The following EP400 variants were observed in gnomAD, a reference collection of about 807,000 sequenced individuals.
The protein encoded by EP400 is E1A-binding protein p400.
Under a neutral mutation model 354.1 loss-of-function variants are expected in EP400, and 105 were observed. That is an observed-to-expected ratio of 0.30 (90% CI 0.25 to 0.35). The LOEUF (loss-of-function observed/expected upper bound fraction) is 0.35. Ranked by LOEUF, EP400 falls within the 10% of genes least tolerant of loss-of-function variation. EP400 has a pLI of 1.00. For missense variants in EP400, 3,280 were observed against 4,121.0 expected (o/e 0.80, Z 5.59); for synonymous variants, 1,646 against 1,716.9 (o/e 0.96, Z 1.02).
At chr12:132,063,374 G>A (rs532483104) in intron 47 of EP400, among the ~76,000 whole-genome samples, 4 of 152,272 alleles carry the variant, frequency 2.6e-5, no homozygotes, top group African/African-American at 7.2e-5. Context: ...TTAGCCGGAC[G>A]TGGTGGCGGG....
chr12:132,067,543 T>C lies in EP400; in HGVS notation c.8874+57T>C. ...TCTATGCCAAGCCAAAGCTGGCTGC[T>C]GGAGGAGAGGGTCCTAAGCAGACAA... On this transcript the variant is annotated intron_variant, in intron 50 of 52. Transcript: ENST00000389561. This position sits in a 1 kb window ranked among gnomAD's most constrained non-coding sequence, Gnocchi z 5.3. 6.3e-7 allele frequency: 1 copy of C among 1,580,216 alleles called. No individual in the cohort carries two copies. The highest frequency in any genetic ancestry group is 2.2e-5 in the East Asian group (1 of 44,506).
At chr12:131,978,024 G>A (rs1031911196) in intron 2 of EP400, among the ~76,000 whole-genome samples, 25 of 152,208 alleles carry the variant, frequency 1.6e-4, no homozygotes, top group African/African-American at 6.0e-4. Context: ...TAGTAATTAA[G>A]TCCTTAGCAT....
At position 131,984,437 on chromosome 12, in the gene EP400, G is replaced by A. The variant is rs75493438; in HGVS notation, c.1929+1959G>A. Among the ~76,000 whole-genome samples, 729 of 152,240 alleles carry A rather than the reference G, an allele frequency of 4.8e-3. 45 individuals are homozygous for A. In the East Asian group the frequency reaches 0.13, roughly 26 times the overall value. On this transcript the variant is annotated intron_variant, in intron 5 of 52. Transcript: ENST00000389561. ...GGCCAGAAAAGCCAGCAACTGGGGG[G>A]GCTGTAGTTGGGAGCCTTTTGTGCA...
At chr12:132,043,525 T>C in intron 33 of EP400, 63 bp downstream of exon 33, 1 of 1,589,400 alleles carries the variant, frequency 6.3e-7, no homozygotes, top group Non-Finnish European at 8.5e-7. Flanking sequence ...ATAAAATATT[T>C]ATTGTTTACT....
Position 131,997,746 on chromosome 12 carries a change from G to A in EP400, c.2827+2790G>A, listed in dbSNP as rs117250884. Among the ~76,000 whole-genome samples the A allele has an allele frequency of 7.1e-3, 1,080 of 152,054 alleles. 35 individuals are homozygous for A. In the South Asian group the frequency reaches 0.093, roughly 13 times the overall value. ...TGAGTAGGATGAGGAGGGAGTGGGG[G>A]AGGGGGAGGGGAAGGGGTTGGTCCT... On this transcript the variant is annotated intron_variant, in intron 12 of 52. Transcript: ENST00000389561.
rs747627892 is a variant in EP400 at position 132,045,713 on chromosome 12, A to G, written c.7027-14A>G. On this transcript the variant is annotated splice_polypyrimidine_tract_variant and intron_variant, in intron 38 of 52. Coordinates refer to ENST00000389561, the MANE Select transcript of EP400 (RefSeq NM_015409.5). The stretch of plus-strand genomic sequence containing the variant: ...AGTGTATTCACCTGTTTTACCTGAA[A>G]TCTCCTTCTCTAGGCTGTAAAGCAG... 6.8e-6 allele frequency: 11 copies of G among 1,613,812 alleles called. No homozygotes were observed. The South Asian group carries it at 9.9e-5, about 15-fold the overall frequency.
At chr12:132,065,061 A>G (rs942461422) in intron 48 of EP400, 175 bp downstream of exon 48, 2 of 1,196,520 alleles carry the variant, frequency 1.7e-6, no homozygotes, top group South Asian at 1.6e-5. Context: ...CTCGTGGAAC[A>G]TTAACACAGC....
intron 51 of EP400, among the ~76,000 whole-genome samples, chr12:132,073,468 T>C (rs1296233917): frequency 2.0e-5 from 3 of 147,452 alleles, no homozygotes; most frequent in Admixed American, 2.0e-4. Context: ...CCTTTTTTTT[T>C]TTTTTGACAC....
chr12:131,989,316 G>A (rs369672554), intron 7 of EP400, among the ~76,000 whole-genome samples: 4 of 152,238 alleles, frequency 2.6e-5, no homozygotes, highest in African/African-American at 7.2e-5. Flanking sequence ...AGCCCACCCC[G>A]ATCAGGGCCT....
rs191593138 is a variant in EP400, at chr12:132,077,846, A to G, written c.*173A>G. The G allele has an allele frequency of 4.2e-5, 36 of 861,382 alleles. No homozygotes were observed. In the African/African-American group the frequency reaches 4.9e-4, roughly 12 times the overall value. The allele number at this position is 861,382 out of a possible 1,614,324, so 53.4% of individuals were successfully genotyped here. A position where few individuals can be genotyped will look rare whatever the true frequency, so the allele number is the denominator to read the frequency against. On this transcript the variant is annotated 3_prime_UTR_variant, in exon 53 of 53. Coordinates refer to ENST00000389561, the MANE Select transcript of EP400 (RefSeq NM_015409.5). The stretch of plus-strand genomic sequence containing the variant: ...AAATGCATCCCACACTGCAGGACAA[A>G]TGGTCCTTATGGAGTGCCGCGTTCT...
At chr12:132,043,276 A>G (rs767331193) in intron 32 of EP400, 28 bp from the exon 33 acceptor site, 369 of 1,592,500 alleles carry the variant, frequency 2.3e-4, no homozygotes, top group Non-Finnish European at 3.0e-4. Context: ...AAGTCTATCA[A>G]GGCAATCTAA....
chr12:132,052,698 A>G lies in EP400; in HGVS notation c.7395-448A>G, dbSNP rs1352266911. Among the ~76,000 whole-genome samples the G allele has an allele frequency of 1.3e-5, 2 of 151,388 alleles. No homozygotes were observed. Among genetic ancestry groups the G allele is most frequent in the Admixed American group, 1.3e-4 (2 of 15,186 alleles). Reference sequence around the variant, plus strand: ...GAGTTAATTCACCCTACTAATATTTATGGACCGCGGGCCTGCGCGGCGTGG... The same window carrying G: ...GAGTTAATTCACCCTACTAATATTTGTGGACCGCGGGCCTGCGCGGCGTGG... On this transcript the variant is annotated intron_variant, in intron 41 of 52. Transcript: ENST00000389561. This position sits in a 1 kb window ranked among gnomAD's most constrained non-coding sequence, Gnocchi z 4.4.
rs145047910 is a variant in EP400 at position 132,064,670 on chromosome 12, A to G, written c.8337A>G (p.Glu2779=). The change falls in exon 48 of 53, where the codon GAA becomes GAG. Residue 2779 remains glutamate (E), a splice_region_variant and synonymous_variant. Coordinates refer to ENST00000389561, the MANE Select transcript of EP400 (RefSeq NM_015409.5). ...QIKAVGKLTP[E]HLIKMQKQKL... The stretch of plus-strand genomic sequence containing the variant: ...AAGATACTTTGCTTGTATTTTAGGA[A>G]CACCTCATCAAAATGCAGAAGCAGA... 6.6e-5 allele frequency: 107 copies of G among 1,610,704 alleles called. No individual in the cohort carries two copies. In the African/African-American group the frequency reaches 1.1e-3, roughly 16 times the overall value.
intron 7 of EP400, 84 bp downstream of exon 7, chr12:131,987,974 C>G (rs1335302172): frequency 1.0e-6 from 1 of 975,306 alleles, no homozygotes; most frequent in South Asian, 3.3e-5. Context: ...GGGGAGGTCT[C>G]CAGACCCACT....
At position 131,996,126 on chromosome 12, in the gene EP400, G is replaced by A. The variant is rs565520855; in HGVS notation, c.2827+1170G>A. On this transcript the variant is annotated intron_variant, in intron 12 of 52. Transcript: ENST00000389561. ...GTATTCTTTTTGTAAATATGTGACC[G>A]ACTCTTTTTTGTGCTGTTGGTGGCC... is the stretch of plus-strand genomic sequence containing the variant. 3.1e-4 allele frequency among the ~76,000 whole-genome samples: 47 copies of A among 152,164 alleles called. 1 individual carries two copies. Among genetic ancestry groups the A allele is most frequent in the Admixed American group, 7.2e-4 (11 of 15,278 alleles).
intron 15 of EP400, among the ~76,000 whole-genome samples, chr12:132,008,034 C>T (rs1424441340): frequency 2.0e-5 from 3 of 152,070 alleles, no homozygotes; most frequent in South Asian, 2.1e-4. Context: ...CTGCAACCTC[C>T]GCCTCCTGGG....
At chr12:132,031,376 C>G in intron 29 of EP400, 1 of 519,114 alleles carries the variant, frequency 1.9e-6, no homozygotes, top group Non-Finnish European at 3.8e-6. Flanking sequence ...AAGGTGGACT[C>G]TAACTTTTTC....
At chr12:132,074,799 T>C (rs1464172281) in intron 51 of EP400, among the ~76,000 whole-genome samples, 1 of 152,258 alleles carries the variant, frequency 6.6e-6, no homozygotes, top group Non-Finnish European at 1.5e-5. Context: ...TATTATTTTA[T>C]TTTCAGAAGT....
rs1896287872 is a variant in EP400, at chr12:132,077,984, C to T, written c.*311C>T. 3.0e-6 allele frequency: 1 copy of T among 333,958 alleles called. No homozygotes were observed. The allele number at this position is 333,958 out of a possible 1,614,324, so 20.7% of individuals were successfully genotyped here. ...GAGCCATAGTACTGTGTTCTGAAAGCCATTTAGAATTTCTTTGTGAGCATG... is the reference window on the plus strand; with the variant it reads ...GAGCCATAGTACTGTGTTCTGAAAGTCATTTAGAATTTCTTTGTGAGCATG... On this transcript the variant is annotated 3_prime_UTR_variant, in exon 53 of 53. Transcript: ENST00000389561.
Sources: gnomAD v4.1 joint callset for allele counts (sites outside exome capture counted in the v4.1 genomes callset) on GRCh38, gnomAD v4.1.1 for gene constraint, Gnocchi (gnomAD v3.1) non-coding constraint, MANE v1.5 for transcripts, NCBI Gene and HGNC (gene_info 2026-07-23, HGNC 2026-07-21) for gene names.